UHRF2: variants seen among roughly 807,000 people sequenced by gnomAD.
UHRF2 encodes ubiquitin like with PHD and ring finger domains 2.
UHRF2 carries 23 observed loss-of-function variants against 96.8 expected under a neutral mutation model. That is an observed-to-expected ratio of 0.24 (90% CI 0.17 to 0.34). The LOEUF is 0.34. UHRF2 is among the 10% of genes least tolerant of loss of function. The pLI is 1.00. For missense variants in UHRF2, 685 were observed against 981.5 expected (o/e 0.70, Z 4.04); for synonymous variants, 385 against 332.6 (o/e 1.16, Z -1.72).
At chr9:6,469,764 G>A (rs1045770963) in intron 4 of UHRF2, among the ~76,000 whole-genome samples, 2 of 148,042 alleles carry the variant, frequency 1.4e-5, no homozygotes, top group Non-Finnish European at 3.0e-5. Context: ...ATATACACAC[G>A]TATATATGTG....
chr9:6,484,609 A>G (rs927032240), intron 8 of UHRF2: 2 of 140,962 alleles, frequency 1.4e-5, no homozygotes, highest in African/African-American at 5.3e-5. Context: ...TCTGGGTTTC[A>G]CCATATTGCC....
intron 4 of UHRF2, among the ~76,000 whole-genome samples, chr9:6,469,737 TATATATATACAC>T (rs1823119521): frequency 6.6e-6 from 1 of 150,620 alleles, no homozygotes; most frequent in African/African-American, 2.4e-5. Flanking sequence ...TATATACGTG[TATATATATACAC>T]GTATATATAC....
Position 6,504,557 on chromosome 9 carries a change from T to G in UHRF2, c.2164-36T>G, listed in dbSNP as rs915140452. 6.0e-6 allele frequency: 9 copies of G among 1,495,928 alleles called. No homozygotes were observed. The African/African-American group carries it at 6.9e-5, about 11-fold the overall frequency. The allele number at this position is 1,495,928 out of a possible 1,614,324, so 92.7% of individuals were successfully genotyped here. ...ATTTTATTAGCATATTATGAACTGC[T>G]AACTTTTCTTTCCTTATCCTTGGAT... On this transcript the variant is annotated intron_variant, in intron 14 of 15. Transcript: ENST00000276893.
At chr9:6,486,121 G>A (rs1233998514) in intron 8 of UHRF2, among the ~76,000 whole-genome samples, 3 of 152,244 alleles carry the variant, frequency 2.0e-5, no homozygotes, top group African/African-American at 4.8e-5. Context: ...TTGATACTGT[G>A]TGACCACTTA....
At chr9:6,440,749 T>C (rs1361793828) in intron 3 of UHRF2, among the ~76,000 whole-genome samples, 3 of 152,244 alleles carry the variant, frequency 2.0e-5, no homozygotes, top group Non-Finnish European at 4.4e-5. Context: ...GTGGATTTTA[T>C]TTAGATTAAT....
chr9:6,494,657 G>C lies in UHRF2; in HGVS notation c.1604+725G>C, dbSNP rs1180703576. 4 of 152,056 alleles carry C rather than the reference G, an allele frequency of 2.6e-5. No homozygotes were observed. In the East Asian group the frequency reaches 7.7e-4, roughly 29 times the overall value. The allele number at this position is 152,056 out of a possible 1,614,324, so 9.4% of individuals were successfully genotyped here. ...GATAGCAAAAATCACATTATAGTTT[G>C]TCCTGCTGAAATTTTTGTGAACATT... On this transcript the variant is annotated intron_variant, in intron 10 of 15. Coordinates refer to ENST00000276893, the MANE Select transcript of UHRF2 (RefSeq NM_152896.3).
chr9:6,489,066 T>A (rs1410532567), intron 9 of UHRF2, among the ~76,000 whole-genome samples: 1 of 152,180 alleles, frequency 6.6e-6, no homozygotes, highest in Admixed American at 6.5e-5. Flanking sequence ...TACCTCAGCC[T>A]CCCAAAGTGC....
rs761786211 is a variant in UHRF2 at position 6,421,057 on chromosome 9, A to G, written c.299A>G (p.Lys100Arg). Residue 100 changes from lysine to arginine, a missense_variant, in exon 2 of 16, where the codon AAG (lysine) becomes AGG (arginine). By Grantham distance (26) the Lys-to-Arg change is conservative. Around this residue, in one of 6 missense-constraint regions of UHRF2, gnomAD observed 391 missense variants for 437.0 expected, o/e 0.89. Transcript: ENST00000276893. Reference protein sequence around the residue: ...KPCSNSPPKVKKAPRVGPSNQ... With the variant: ...KPCSNSPPKVRKAPRVGPSNQ... Reference sequence around the variant, plus strand: ...TGTTCTAATAGTCCACCTAAAGTAAAGAAAGCTCCGAGGGTAGGACCTTCC... The same window carrying G: ...TGTTCTAATAGTCCACCTAAAGTAAGGAAAGCTCCGAGGGTAGGACCTTCC... The G allele has an allele frequency of 6.2e-6, 10 of 1,614,100 alleles. No homozygotes were observed. In the South Asian group the frequency reaches 7.7e-5, roughly 12 times the overall value.
chr9:6,499,694 G>T, intron 12 of UHRF2, 141 bp from the exon 13 acceptor site: 1 of 492,726 alleles, frequency 2.0e-6, no homozygotes, highest in South Asian at 3.7e-5. Context: ...TCCTTTAAAT[G>T]TCTGTTTCTT....
At chr9:6,481,265 A>G (rs546162294) in intron 6 of UHRF2, among the ~76,000 whole-genome samples, 1 of 152,278 alleles carries the variant, frequency 6.6e-6, no homozygotes, top group African/African-American at 2.4e-5. Context: ...TTAGATGGGG[A>G]GTTGTATCTG....
At chr9:6,444,690 C>A (rs903348457) in intron 3 of UHRF2, among the ~76,000 whole-genome samples, 1 of 152,170 alleles carries the variant, frequency 6.6e-6, no homozygotes, top group Non-Finnish European at 1.5e-5. Context: ...CAACCTCCCC[C>A]TCCAGGGTTC....
At chr9:6,469,206 G>T (rs1222432224) in intron 4 of UHRF2, among the ~76,000 whole-genome samples, 2 of 152,146 alleles carry the variant, frequency 1.3e-5, no homozygotes, top group Non-Finnish European at 2.9e-5. Flanking sequence ...AGTTTCCTAA[G>T]ACCTTGTTAA....
At chr9:6,456,412 T>C (rs921643361) in intron 3 of UHRF2, among the ~76,000 whole-genome samples, 7 of 152,120 alleles carry the variant, frequency 4.6e-5, no homozygotes, top group African/African-American at 1.4e-4. Context: ...ATTTAAGTTC[T>C]TTGTAGATTC....
chr9:6,485,822 A>AAAAAAAC (rs1563797877), intron 8 of UHRF2, among the ~76,000 whole-genome samples: 2 of 148,402 alleles, frequency 1.3e-5, no homozygotes, highest in Non-Finnish European at 1.5e-5. Flanking sequence ...AAAAAAAAAA[A>AAAAAAAC]AAAAAACAAA....
At chr9:6,467,135 T>C (rs995111219) in intron 4 of UHRF2, among the ~76,000 whole-genome samples, 1 of 152,230 alleles carries the variant, frequency 6.6e-6, no homozygotes, top group Non-Finnish European at 1.5e-5. Flanking sequence ...AAAATCATTG[T>C]TAGCAGGGAT....
intron 8 of UHRF2, among the ~76,000 whole-genome samples, chr9:6,485,803 C>CAAA (rs57868028): frequency 1.1e-3 from 63 of 59,176 alleles, no homozygotes; most frequent in African/African-American, 2.6e-3. Context: ...TGTCTCTACC[C>CAAA]AAAAAAAAAA....
At chr9:6,461,755 C>T (rs1209884910) in intron 4 of UHRF2, among the ~76,000 whole-genome samples, 1 of 152,084 alleles carries the variant, frequency 6.6e-6, no homozygotes, top group Non-Finnish European at 1.5e-5. Flanking sequence ...TACTTTTTTA[C>T]ACTTTGGAAA....
At chr9:6,468,332 G>A (rs888686921) in intron 4 of UHRF2, 1 of 413,838 alleles carries the variant, frequency 2.4e-6, no homozygotes, top group African/African-American at 2.0e-5. Flanking sequence ...AGTAGTACAT[G>A]GAAAGCACCT....
At chr9:6,456,746 CAT>C (rs1181032601) in intron 3 of UHRF2, among the ~76,000 whole-genome samples, 1 of 152,208 alleles carries the variant, frequency 6.6e-6, no homozygotes, top group Non-Finnish European at 1.5e-5. Context: ...CAGTTTTCTA[CAT>C]GTGGCTAGCC....
Sources: allele counts gnomAD v4.1 joint callset (sites outside exome capture counted in the v4.1 genomes callset), GRCh38; gene constraint gnomAD v4.1.1; regional missense constraint gnomAD v4.1.1; transcripts MANE v1.5; gene names NCBI Gene and HGNC (gene_info 2026-07-23, HGNC 2026-07-21).